The following MICAL3 variants were observed in gnomAD, a reference collection of about 807,000 sequenced individuals.
The protein encoded by MICAL3 is [F-actin]-monooxygenase MICAL3.
In MICAL3, 62 loss-of-function variants were observed where a neutral mutation model predicts 207.4. That is an observed-to-expected ratio of 0.30 (90% CI 0.24 to 0.37). MICAL3 has a LOEUF of 0.37. MICAL3 is among the 10% of genes least tolerant of loss of function. The probability of loss-of-function intolerance (pLI) is 1.00; values close to 1 mark genes in which losing one functional copy is unlikely to be tolerated. For missense variants in MICAL3, 2,368 were observed against 2,635.6 expected (o/e 0.90, Z 2.22); for synonymous variants, 1,077 against 1,069.3 (o/e 1.01, Z -0.14).
At chr22:17,972,654 A>G (rs1451716150) in intron 1 of MICAL3, among the ~76,000 whole-genome samples, 1 of 152,154 alleles carries the variant, frequency 6.6e-6, no homozygotes, top group Non-Finnish European at 1.5e-5. Context: ...TTGGGGCAGC[A>G]GGAGAAGGAA....
At chr22:17,956,430 T>C (rs1044159975) in intron 1 of MICAL3, among the ~76,000 whole-genome samples, 8 of 152,098 alleles carry the variant, frequency 5.3e-5, no homozygotes, top group Admixed American at 1.3e-4. Context: ...TCCCCGCACT[T>C]TGGGAGGCCG....
At chr22:17,881,395 G>C in intron 16 of MICAL3, 2 of 1,049,330 alleles carry the variant, frequency 1.9e-6, no homozygotes, top group Non-Finnish European at 2.9e-6. Context: ...GTGTTTGTCA[G>C]AAGCACCCCA....
intron 29 of MICAL3, among the ~76,000 whole-genome samples, chr22:17,802,464 C>T (rs912492054): frequency 2.6e-5 from 4 of 152,126 alleles, no homozygotes; most frequent in Admixed American, 6.5e-5. Flanking sequence ...ATGTAAGCAC[C>T]GGCCCTTCTG....
rs949530829 is a variant in MICAL3, at chr22:17,818,210, G to A, written c.4451C>T (p.Ser1484Leu). Reference protein sequence around the residue: ...RKLREAEPNASVVPPPLPATW... With the variant: ...RKLREAEPNALVVPPPLPATW... ...GGCGGGCAAGGGCGGCGGGACCACC[G>A]AGGCATTGGGCTCGGCCTCCCTGAG... The change falls in exon 26 of 32, where the codon TCG becomes TTG. Residue 1484 changes from serine (S) to leucine (L), a missense_variant. Coordinates refer to ENST00000441493, the MANE Select transcript of MICAL3 (RefSeq NM_015241.3). 16 of 1,550,050 alleles carry A rather than the reference G, an allele frequency of 1.0e-5. No individual in the cohort carries two copies. Among genetic ancestry groups the A allele is most frequent in the African/African-American group, 5.4e-5 (4 of 73,632 alleles).
chr22:17,972,456 G>A (rs544254426), intron 1 of MICAL3, among the ~76,000 whole-genome samples: 2 of 152,304 alleles, frequency 1.3e-5, no homozygotes, highest in South Asian at 4.1e-4. Context: ...CACGCAACAG[G>A]TGAACGGACG....
chr22:17,989,744 C>T (rs1921452483), intron 1 of MICAL3, among the ~76,000 whole-genome samples: 1 of 152,238 alleles, frequency 6.6e-6, no homozygotes, highest in Non-Finnish European at 1.5e-5. Context: ...ATGCTTCTGT[C>T]TCTGGGTCCT....
At chr22:17,856,559 C>T (rs549706128) in intron 19 of MICAL3, among the ~76,000 whole-genome samples, 1 of 151,310 alleles carries the variant, frequency 6.6e-6, no homozygotes, top group East Asian at 1.9e-4. Flanking sequence ...AAGGCAGCAG[C>T]TGGTTCAGAG....
At chr22:17,861,522 T>G in intron 19 of MICAL3, 1 of 985,472 alleles carries the variant, frequency 1.0e-6, no homozygotes, top group Non-Finnish European at 1.2e-6. Context: ...CCGTATCAGA[T>G]AAAAAGAGGA....
At chr22:17,889,295 T>C in intron 12 of MICAL3, 65 bp from the exon 13 acceptor site, 1 of 1,195,560 alleles carries the variant, frequency 8.4e-7, no homozygotes, top group Non-Finnish European at 1.2e-6. Context: ...AAACGCAGTA[T>C]CCTGGAGTCA....
At chr22:17,848,980 A>G (rs548386851) in intron 19 of MICAL3, among the ~76,000 whole-genome samples, 1 of 152,334 alleles carries the variant, frequency 6.6e-6, no homozygotes, top group East Asian at 1.9e-4. Flanking sequence ...AGCCACTGCT[A>G]TGTCAGGGTG....
intron 1 of MICAL3, among the ~76,000 whole-genome samples, chr22:17,920,198 G>A (rs1446314791): frequency 6.6e-6 from 1 of 152,268 alleles, no homozygotes; most frequent in East Asian, 1.9e-4. Flanking sequence ...TGGAATGGGG[G>A]TGGGACAAAA....
In MICAL3 at chr22:17,902,348, G is replaced by A. The variant is rs1569125609; in HGVS notation, c.589+283C>T. On this transcript the variant is annotated intron_variant, in intron 4 of 31. Coordinates refer to ENST00000441493, the MANE Select transcript of MICAL3 (RefSeq NM_015241.3). The surrounding 1 kb of genome is among the most constrained non-coding windows in gnomAD (Gnocchi z 4.5). ...CACAGTGAGCCAAGATTGAGCTACC[G>A]CACTCCAGGCTAGGCGACAGAGTGA... is the stretch of plus-strand genomic sequence containing the variant. Among the ~76,000 whole-genome samples, 4 of 152,212 alleles carry A rather than the reference G, an allele frequency of 2.6e-5. No homozygotes were observed. The highest frequency in any genetic ancestry group is 6.5e-5 in the Admixed American group (1 of 15,280).
At chr22:17,880,575 A>T (rs1929325202) in intron 16 of MICAL3, among the ~76,000 whole-genome samples, 1 of 152,240 alleles carries the variant, frequency 6.6e-6, no homozygotes, top group South Asian at 2.1e-4. Context: ...CTCACATTTT[A>T]TAGAAACATA....
intron 1 of MICAL3, among the ~76,000 whole-genome samples, chr22:17,918,386 A>G (rs1481137308): frequency 3.3e-5 from 5 of 152,174 alleles, no homozygotes; most frequent in Non-Finnish European, 7.3e-5. Flanking sequence ...AACAATTAAC[A>G]TATCTTAAGA....
intron 16 of MICAL3, among the ~76,000 whole-genome samples, chr22:17,877,376 GAGGGAGGTTATGGAGGTT>G (rs1928825900): frequency 3.4e-5 from 1 of 29,548 alleles, no homozygotes; most frequent in Admixed American, 4.6e-4. Flanking sequence ...TTAGGGAGGT[GAGGGAGGTTATGGAGGTT>G]AGGGAGGTTA....
chr22:17,955,539 T>C (rs1934569314), intron 1 of MICAL3, among the ~76,000 whole-genome samples: 1 of 152,186 alleles, frequency 6.6e-6, no homozygotes, highest in Non-Finnish European at 1.5e-5. Context: ...GCAGACTGCA[T>C]CCAGAGAGAG....
intron 25 of MICAL3, among the ~76,000 whole-genome samples, chr22:17,820,319 G>A (rs143810415): frequency 1.9e-4 from 29 of 152,200 alleles, no homozygotes; most frequent in South Asian, 1.2e-3. Flanking sequence ...CATTCTCCAT[G>A]TGGTTCACAC....
chr22:17,953,948 A>AG (rs1934481928), intron 1 of MICAL3, among the ~76,000 whole-genome samples: 1 of 38,000 alleles, frequency 2.6e-5, no homozygotes, highest in African/African-American at 1.0e-4. Flanking sequence ...AAAAAAAAAA[A>AG]AAAAAAAAAA....
At position 17,816,731 on chromosome 22, in the gene MICAL3, C is replaced by T. The variant is rs897214477; in HGVS notation, c.5404G>A (p.Asp1802Asn). The change falls in exon 27 of 32, where the codon GAC (aspartate) becomes AAC (asparagine). Residue 1802 changes from aspartate to asparagine, a missense_variant. Physicochemically the swap from Asp to Asn is conservative, Grantham distance 23. This residue lies in a region of MICAL3 where 1,770 missense variants were observed against 1,863.2 expected (regional missense o/e 0.95). Transcript: ENST00000441493. Reference sequence around the variant, plus strand: ...TGTGAGGACTTCTCAAGGACATCGTCGCTGGAGAGGTCTGAGTCCTCGGAG... The same window carrying T: ...TGTGAGGACTTCTCAAGGACATCGTTGCTGGAGAGGTCTGAGTCCTCGGAG... ...SFSEDSDLSS[D>N]DVLEKSSQKS... 4.5e-6 allele frequency: 7 copies of T among 1,552,736 alleles called. No homozygotes were observed. Among genetic ancestry groups the T allele is most frequent in the African/African-American group, 2.7e-5 (2 of 73,238 alleles).
Sources: allele counts gnomAD v4.1 joint callset (sites outside exome capture counted in the v4.1 genomes callset), GRCh38; gene constraint gnomAD v4.1.1; regional missense constraint gnomAD v4.1.1; non-coding constraint Gnocchi (gnomAD v3.1); transcripts MANE v1.5; gene names NCBI Gene and HGNC (gene_info 2026-07-23, HGNC 2026-07-21).